Variants in PDXDC1 observed in about 807,000 individuals in gnomAD.
PDXDC1 encodes pyridoxal dependent decarboxylase domain containing 1, also known as pyridoxal-dependent decarboxylase domain-containing protein 1.
A neutral mutation model predicts 100.1 loss-of-function variants in PDXDC1; 42 were observed. That is an observed-to-expected ratio of 0.42 (90% CI 0.33 to 0.54). PDXDC1 has a LOEUF of 0.54. Ranked by LOEUF, PDXDC1 falls within the 20% of genes least tolerant of loss-of-function variation. PDXDC1 has a pLI of 0.10. For synonymous variants in PDXDC1, 260 were observed against 371.7 expected (o/e 0.70, Z 3.46); for missense variants, 636 against 979.2 (o/e 0.65, Z 4.68).
chr16:15,141,417 A>G (rs2048473653), downstream of PDXDC1, among the ~76,000 whole-genome samples: 1 of 152,240 alleles, frequency 6.6e-6, no homozygotes, highest in Admixed American at 6.5e-5. Context: ...GGGCGCCCAG[A>G]CAGATGAGAC....
intron 16 of PDXDC1, chr16:15,135,665 C>A: frequency 1.3e-6 from 2 of 1,595,328 alleles, no homozygotes; most frequent in Non-Finnish European, 1.7e-6. Context: ...CGAAGCCACA[C>A]AGGCCCACTG....
chr16:15,059,869 C>A (rs751891853), intron 16 of PDXDC1, among the ~76,000 whole-genome samples: 22 of 152,002 alleles, frequency 1.4e-4, no homozygotes, highest in Non-Finnish European at 2.6e-4. Context: ...ATAGTGCACA[C>A]GGAAACCATC....
intron 16 of PDXDC1, chr16:15,094,156 C>T (rs750002202): frequency 6.3e-7 from 1 of 1,599,696 alleles, no homozygotes; most frequent in Non-Finnish European, 8.5e-7. Flanking sequence ...CAGTCCTCGA[C>T]GCGCCCAGCT....
intron 16 of PDXDC1, among the ~76,000 whole-genome samples, chr16:15,075,414 T>C (rs921123937): frequency 1.6e-4 from 24 of 150,506 alleles, no homozygotes; most frequent in African/African-American, 5.4e-4. Context: ...TCTACAAAAA[T>C]AGAAAAAAAG....
intron 16 of PDXDC1, among the ~76,000 whole-genome samples, chr16:15,054,356 C>G (rs987104149): frequency 6.6e-6 from 1 of 152,194 alleles, no homozygotes; most frequent in Non-Finnish European, 1.5e-5. Flanking sequence ...CCCGGTATGT[C>G]ACCAAATCTC....
intron 16 of PDXDC1, chr16:15,136,133 T>C (rs2048337682): frequency 2.0e-6 from 3 of 1,487,364 alleles, no homozygotes; most frequent in Non-Finnish European, 2.8e-6. Flanking sequence ...TCTAGGCTCC[T>C]GGGGGCGGGT....
chr16:15,089,723 C>T (rs1261099019), intron 16 of PDXDC1, among the ~76,000 whole-genome samples: 3 of 139,250 alleles, frequency 2.2e-5, no homozygotes, highest in Admixed American at 7.9e-5. Context: ...TCGCTTGAAC[C>T]CGGGAGGCGG....
chr16:15,011,631 C>CTTTTTT, intron 8 of PDXDC1, among the ~76,000 whole-genome samples: 22 of 131,266 alleles, frequency 1.7e-4, no homozygotes, highest in Non-Finnish European at 2.0e-4. Context: ...ACATTTTTTT[C>CTTTTTT]TTTTTTTTTT....
intron 16 of PDXDC1, chr16:15,127,465 C>A: frequency 3.2e-6 from 5 of 1,561,196 alleles, no homozygotes; most frequent in Middle Eastern, 2.3e-4. Flanking sequence ...CCAGCCCCAG[C>A]CCACCTTGCT....
intron 16 of PDXDC1, among the ~76,000 whole-genome samples, chr16:15,031,276 C>G (rs1220903448): frequency 1.3e-5 from 2 of 152,108 alleles, no homozygotes; most frequent in Admixed American, 1.3e-4. Context: ...GTCTCTAAAA[C>G]TGCAAAAGTA....
chr16:14,975,643 C>G, intron 1 of PDXDC1: 1 of 985,514 alleles, frequency 1.0e-6, no homozygotes, highest in Non-Finnish European at 1.2e-6. Flanking sequence ...GTAGGTTTTT[C>G]TTGGTCTCCG....
intron 16 of PDXDC1, chr16:15,135,833 C>T: frequency 8.1e-6 from 12 of 1,482,496 alleles, no homozygotes; most frequent in Non-Finnish European, 9.4e-6. Flanking sequence ...GGCCTGGATG[C>T]TCCGTGCCAG....
Position 15,036,060 on chromosome 16 carries a change from A to C in PDXDC1, c.2152A>C (p.Ser718Arg). The C allele has an allele frequency of 6.2e-7, 1 of 1,614,134 alleles. No homozygotes were observed. Among genetic ancestry groups the C allele is most frequent in the Non-Finnish European group, 8.5e-7 (1 of 1,180,006 alleles). Residue 718 changes from serine (S) to arginine (R), a missense_variant, in exon 23 of 23, where the codon AGT becomes CGT. By Grantham distance (110) the Ser-to-Arg change is moderately radical. Transcript: ENST00000396410. ...KRSLRGSDAL[S>R]ETSSVSHIED... Reference sequence around the variant, plus strand: ...GTCCCTGCGAGGTTCAGATGCTTTGAGTGAGACCAGCTCAGTCAGTCACAT... The same window carrying C: ...GTCCCTGCGAGGTTCAGATGCTTTGCGTGAGACCAGCTCAGTCAGTCACAT...
downstream of PDXDC1, among the ~76,000 whole-genome samples, chr16:15,143,417 G>A (rs530081871): frequency 4.6e-5 from 7 of 152,338 alleles, no homozygotes; most frequent in African/African-American, 1.4e-4. Flanking sequence ...CCAGCCTGCC[G>A]GCCCGAGGTA....
At chr16:15,012,106 A>AT (rs34296058) in intron 8 of PDXDC1, among the ~76,000 whole-genome samples, 30,529 of 143,338 alleles carry the variant, frequency 0.21, 14 homozygotes, top group Middle Eastern at 0.32. Context: ...AAGCAATACA[A>AT]TTTTTTTTTT....
chr16:15,043,057 T>G (rs1224721781), downstream of PDXDC1, among the ~76,000 whole-genome samples: 2 of 152,124 alleles, frequency 1.3e-5, no homozygotes, highest in Non-Finnish European at 1.5e-5. Flanking sequence ...TGCACCACCA[T>G]GCCTGGCTAA....
chr16:15,126,042 T>C (rs1235274007), intron 16 of PDXDC1: 2 of 577,548 alleles, frequency 3.5e-6, no homozygotes, highest in Non-Finnish European at 6.2e-6. Flanking sequence ...CAATTTCATT[T>C]TTTTTTTTCT....
At chr16:15,091,453 C>T (rs2046127045) in intron 16 of PDXDC1, 1 of 874,666 alleles carries the variant, frequency 1.1e-6, no homozygotes, top group Non-Finnish European at 1.8e-6. Context: ...CGTACTTTAA[C>T]ATCAGATGAA....
chr16:14,987,916 T>G (rs1346933568), intron 1 of PDXDC1, among the ~76,000 whole-genome samples: 3 of 152,282 alleles, frequency 2.0e-5, no homozygotes, highest in Non-Finnish European at 4.4e-5. Flanking sequence ...CTGGCCTGTT[T>G]TTTTTTTCTG....
Sources: gnomAD v4.1 joint callset for allele counts (sites outside exome capture counted in the v4.1 genomes callset) on GRCh38, gnomAD v4.1.1 for gene constraint, MANE v1.5 for transcripts, NCBI Gene and HGNC (gene_info 2026-07-23, HGNC 2026-07-21) for gene names.